The following MYH14 variants were observed in gnomAD, a reference collection of about 807,000 sequenced individuals.
MYH14 encodes myosin-14.
In MYH14, 123 loss-of-function variants were observed where a neutral mutation model predicts 255.5. That is an observed-to-expected ratio of 0.48 (90% CI 0.42 to 0.56). The LOEUF is 0.56. Among genes scored for constraint, MYH14 ranks in the 20% least tolerant of loss-of-function variants. MYH14 has a pLI of 0.00. For missense variants in MYH14, 2,423 were observed against 2,802.3 expected (o/e 0.86, Z 3.06); for synonymous variants, 1,095 against 1,161.2 (o/e 0.94, Z 1.16).
At chr19:50,223,466 T>C in intron 5 of MYH14, 117 bp downstream of exon 5, 1 of 763,270 alleles carries the variant, frequency 1.3e-6, no homozygotes, top group Non-Finnish European at 2.3e-6. Flanking sequence ...TAGACGCCTA[T>C]GCCACCTGAG....
intron 10 of MYH14, among the ~76,000 whole-genome samples, chr19:50,235,119 C>T (rs954085197): frequency 2.0e-5 from 3 of 152,158 alleles, no homozygotes; most frequent in African/African-American, 7.2e-5. Flanking sequence ...CGCCTGTAAT[C>T]CCAACAGTTT....
chr19:50,250,243 G>A lies in MYH14; in HGVS notation c.1657-272G>A, dbSNP rs922420454. ...AGCCTCCCGAGTAGCTGGGACTACAGGTGCCCGCCACCACGCCCGGCTAAT... is the reference window on the plus strand; with the variant it reads ...AGCCTCCCGAGTAGCTGGGACTACAAGTGCCCGCCACCACGCCCGGCTAAT... On this transcript the variant is annotated intron_variant, in intron 14 of 42. Coordinates refer to ENST00000642316, the MANE Select transcript of MYH14 (RefSeq NM_001145809.2). The surrounding 1 kb of genome is among the most constrained non-coding windows in gnomAD (Gnocchi z 5.4). Among the ~76,000 whole-genome samples the A allele has an allele frequency of 4.5e-5, 6 of 132,328 alleles. No individual in the cohort carries two copies. Among genetic ancestry groups the A allele is most frequent in the Non-Finnish European group, 9.9e-5 (6 of 60,524 alleles). The allele number at this position is 132,328 out of a possible 152,430, so 86.8% of individuals were successfully genotyped here.
intron 39 of MYH14, 109 bp from the exon 40 acceptor site, chr19:50,301,552 A>G (rs1459786010): frequency 1.6e-5 from 12 of 731,284 alleles, no homozygotes; most frequent in East Asian, 2.6e-5. Context: ...GCTCTGTGCT[A>G]TGCGTGTGAC....
At chr19:50,243,316 A>G (rs2057115707) in intron 10 of MYH14, among the ~76,000 whole-genome samples, 1 of 152,090 alleles carries the variant, frequency 6.6e-6, no homozygotes, top group African/African-American at 2.4e-5. Flanking sequence ...TGCACCAGTA[A>G]TCCCAGCTAC....
At position 50,263,672 on chromosome 19, in the gene MYH14, T is replaced by C. The variant is rs2034972856; in HGVS notation, c.2694+252T>C. The stretch of plus-strand genomic sequence containing the variant: ...TGGATCCAGGGGTCCCCAAGACTTC[T>C]GTTCAAGGATTTGCTGGAAGGACTC... On this transcript the variant is annotated intron_variant, in intron 22 of 42. Coordinates refer to ENST00000642316, the MANE Select transcript of MYH14 (RefSeq NM_001145809.2). 2.0e-5 allele frequency among the ~76,000 whole-genome samples: 3 copies of C among 152,206 alleles called. No homozygotes were observed. In the South Asian group the frequency reaches 6.2e-4, roughly 31 times the overall value.
intron 17 of MYH14, among the ~76,000 whole-genome samples, 156 bp downstream of exon 17, chr19:50,255,474 C>T (rs1270184686): frequency 6.6e-6 from 1 of 152,132 alleles, no homozygotes; most frequent in Non-Finnish European, 1.5e-5. Flanking sequence ...TTGGAAGTTT[C>T]CAGACTCTGT....
In MYH14 at chr19:50,283,308, C is replaced by T. The variant is rs751233514; in HGVS notation, c.4539+1466C>T. ...CTAATTTTTGTGTTTTTAATAGAGA[C>T]GAGGTTTCACCATTTTGGCAAGGCT... On this transcript the variant is annotated intron_variant, in intron 33 of 42. Transcript: ENST00000642316. Among the ~76,000 whole-genome samples, 21 of 152,238 alleles carry T rather than the reference C, an allele frequency of 1.4e-4. No homozygotes were observed. The East Asian group carries it at 1.9e-3, about 14-fold the overall frequency.
chr19:50,297,037 G>A (rs1475475917), intron 39 of MYH14, among the ~76,000 whole-genome samples: 1 of 152,026 alleles, frequency 6.6e-6, no homozygotes, highest in Non-Finnish European at 1.5e-5. Flanking sequence ...CCAGACTGGA[G>A]TGCCGTGGTG....
chr19:50,263,545 G>A lies in MYH14; in HGVS notation c.2694+125G>A, dbSNP rs894711319. The A allele has an allele frequency of 3.1e-5, 17 of 552,906 alleles. No individual in the cohort carries two copies. In the Admixed American group the frequency reaches 4.0e-4, roughly 13 times the overall value. 34.3% of individuals were successfully genotyped at this position (552,906 alleles called of 1,614,324 possible). ...CTGCATCACTAAAATGGGGCCAGTC[G>A]GCCCAGGCTTTGCTAGCTGGGATTC... On this transcript the variant is annotated intron_variant, in intron 22 of 42. Transcript: ENST00000642316.
rs1162005193 is a variant in MYH14 at position 50,286,601 on chromosome 19, G to A, written c.4659G>A (p.Glu1553=). 6.2e-7 allele frequency: 1 copy of A among 1,605,636 alleles called. No homozygotes were observed. The highest frequency in any genetic ancestry group is 8.5e-7 in the Non-Finnish European group (1 of 1,176,498). Residue 1553 remains glutamate, a synonymous_variant, in exon 34 of 43, where the codon GAG becomes GAA. Transcript: ENST00000642316. Reference sequence around the variant, plus strand: ...CACTGACACGGGCACTGGAGGAGGAGCAGGAGGCACGTGAGGAGCTGGAGC... The same window carrying A: ...CACTGACACGGGCACTGGAGGAGGAACAGGAGGCACGTGAGGAGCTGGAGC... The part of the protein sequence containing the change: ...ALSLTRALEE[E]QEAREELERQ...
intron 19 of MYH14, 82 bp downstream of exon 19, chr19:50,259,347 C>A: frequency 1.3e-6 from 2 of 1,506,268 alleles, no homozygotes; most frequent in Non-Finnish European, 1.8e-6. Flanking sequence ...GCATTCAGGT[C>A]TCCACCCACT....
chr19:50,242,764 G>T (rs8110646), intron 10 of MYH14, among the ~76,000 whole-genome samples: 1,814 of 152,196 alleles, frequency 0.012, 46 homozygotes, highest in African/African-American at 0.042. Context: ...GGTCATTTAC[G>T]GTCCTGCGTA....
chr19:50,259,588 G>A (rs1332449263), intron 19 of MYH14, among the ~76,000 whole-genome samples: 1 of 152,198 alleles, frequency 6.6e-6, no homozygotes, highest in Non-Finnish European at 1.5e-5. Context: ...CTTTAAAAAT[G>A]AAGTAGAAGG....
intron 10 of MYH14, among the ~76,000 whole-genome samples, chr19:50,241,924 C>T (rs2033907250): frequency 6.6e-6 from 1 of 152,196 alleles, no homozygotes; most frequent in South Asian, 2.1e-4. Context: ...GGATTACGGG[C>T]GTGAGCCCGT....
At chr19:50,268,743 C>A (rs1205722762) in intron 24 of MYH14, among the ~76,000 whole-genome samples, 1 of 151,734 alleles carries the variant, frequency 6.6e-6, no homozygotes, top group Non-Finnish European at 1.5e-5. Context: ...TGGATCCAGG[C>A]ATCCAAGTGA....
At chr19:50,244,207 A>G (rs2034002284) in intron 10 of MYH14, 35 bp from the exon 11 acceptor site, 3 of 1,599,666 alleles carry the variant, frequency 1.9e-6, no homozygotes, top group South Asian at 1.1e-5. Flanking sequence ...ATCGGGGTCC[A>G]GAGCCACACG....
intron 24 of MYH14, among the ~76,000 whole-genome samples, chr19:50,270,543 GA>G (rs202183205): frequency 0.18 from 25,489 of 144,658 alleles, 2,472 homozygotes; most frequent in East Asian, 0.32. Context: ...AAAAAGAAAA[GA>G]AAAAAATTTA....
chr19:50,280,848 T>G lies in MYH14; in HGVS notation c.4290+465T>G, dbSNP rs1223704853. 1.3e-5 allele frequency among the ~76,000 whole-genome samples: 2 copies of G among 152,250 alleles called. No individual in the cohort carries two copies. The highest frequency in any genetic ancestry group is 2.4e-5 in the African/African-American group (1 of 41,468). On this transcript the variant is annotated intron_variant, in intron 32 of 42. Transcript: ENST00000642316. This position sits in a 1 kb window ranked among gnomAD's most constrained non-coding sequence, Gnocchi z 4.8. ...CTCTGGTCCTTCCTCTGCCTTTAGCTGTATTCATCTCTATCTCTACTTTCC... is the reference window on the plus strand; with the variant it reads ...CTCTGGTCCTTCCTCTGCCTTTAGCGGTATTCATCTCTATCTCTACTTTCC...
chr19:50,224,167 C>A lies in MYH14; in HGVS notation c.707C>A (p.Thr236Asn). 6.2e-7 allele frequency: 1 copy of A among 1,613,868 alleles called. No individual in the cohort carries two copies. Among genetic ancestry groups the A allele is most frequent in the Non-Finnish European group, 8.5e-7 (1 of 1,179,864 alleles). Residue 236 changes from threonine to asparagine, a missense_variant, in exon 6 of 43, where the codon ACC (threonine) becomes AAC (asparagine). Coordinates refer to ENST00000642316, the MANE Select transcript of MYH14 (RefSeq NM_001145809.2). ...TGACTTCCTCAGGCCTCCGTCAGCA[C>A]CGTGTCTTATGTGAGTAGCAGGGGA... The part of the protein sequence containing the change: ...KEPGVPASVS[T>N]VSYGELERQL...
Sources: allele counts gnomAD v4.1 joint callset (sites outside exome capture counted in the v4.1 genomes callset), GRCh38; gene constraint gnomAD v4.1.1; non-coding constraint Gnocchi (gnomAD v3.1); transcripts MANE v1.5; gene names NCBI Gene and HGNC (gene_info 2026-07-23, HGNC 2026-07-21).